The following KSR2 variants were observed in gnomAD, a reference collection of about 807,000 sequenced individuals.
The protein encoded by KSR2 is kinase suppressor of ras 2.
KSR2 carries 25 observed loss-of-function variants against 107.8 expected under a neutral mutation model. That is an observed-to-expected ratio of 0.23 (90% CI 0.17 to 0.32). The LOEUF (loss-of-function observed/expected upper bound fraction) is 0.32. Ranked by LOEUF, KSR2 falls within the 10% of genes least tolerant of loss-of-function variation. The pLI is 1.00. For synonymous variants in KSR2, 480 were observed against 507.0 expected, an observed-to-expected ratio of 0.95 and a Z score of 0.71; for missense variants, 887 against 1,268.9, an observed-to-expected ratio of 0.70 and a Z score of 4.57.
intron 3 of KSR2, among the ~76,000 whole-genome samples, chr12:117,796,955 T>A (rs1344974977): frequency 2.0e-5 from 3 of 152,144 alleles, no homozygotes; most frequent in Non-Finnish European, 2.9e-5. Flanking sequence ...ACCAAGTGCC[T>A]ACTGAGTGCC....
At position 117,550,400 on chromosome 12, in the gene KSR2, T is replaced by C. The variant is rs1877209510; in HGVS notation, c.1518+4769A>G. The stretch of plus-strand genomic sequence containing the variant: ...TCATTGCTCTCCCATGGACACTTTC[T>C]AAGGAAACTGTCCTCACCCTCCAAC... On this transcript the variant is annotated intron_variant, in intron 9 of 19. Transcript: ENST00000339824. 2.0e-5 allele frequency among the ~76,000 whole-genome samples: 3 copies of C among 152,308 alleles called. No individual in the cohort carries two copies. In the South Asian group the frequency reaches 6.2e-4, roughly 32 times the overall value.
At chr12:117,934,057 T>A (rs77190023) in intron 1 of KSR2, among the ~76,000 whole-genome samples, 2 of 152,228 alleles carry the variant, frequency 1.3e-5, no homozygotes, top group Non-Finnish European at 2.9e-5. Context: ...CCTAGTAATA[T>A]GTTCTTTACC....
At chr12:117,811,876 C>T (rs1313410010) in intron 3 of KSR2, among the ~76,000 whole-genome samples, 1 of 152,198 alleles carries the variant, frequency 6.6e-6, no homozygotes, top group East Asian at 1.9e-4. Context: ...CTGCAGGGAC[C>T]TGAGGCAACT....
chr12:117,887,932 G>C (rs576531448), intron 1 of KSR2, among the ~76,000 whole-genome samples: 2 of 152,248 alleles, frequency 1.3e-5, no homozygotes, highest in Non-Finnish European at 2.9e-5. Flanking sequence ...GCCTAGACCA[G>C]TCATGAGCGA....
At chr12:117,655,101 C>A (rs1021473879) in intron 5 of KSR2, among the ~76,000 whole-genome samples, 3 of 152,296 alleles carry the variant, frequency 2.0e-5, no homozygotes, top group African/African-American at 4.8e-5. Context: ...TTATATTGGA[C>A]CTCTTCCATC....
intron 14 of KSR2, among the ~76,000 whole-genome samples, chr12:117,496,881 C>T (rs1367115260): frequency 2.0e-5 from 3 of 150,224 alleles, no homozygotes; most frequent in Admixed American, 1.3e-4. Flanking sequence ...GACAGAGTCT[C>T]GCTCTGTTGC....
chr12:117,696,717 T>C (rs1886075047), intron 4 of KSR2, among the ~76,000 whole-genome samples: 1 of 152,222 alleles, frequency 6.6e-6, no homozygotes, highest in South Asian at 2.1e-4. Context: ...ATTATGTTCA[T>C]TAATGAGTGA....
At chr12:117,844,503 A>T (rs1892626618) in intron 3 of KSR2, among the ~76,000 whole-genome samples, 1 of 151,454 alleles carries the variant, frequency 6.6e-6, no homozygotes. Flanking sequence ...TTTAACTCAC[A>T]AGTTTTTTAA....
intron 4 of KSR2, among the ~76,000 whole-genome samples, chr12:117,735,502 C>T (rs1405655564): frequency 1.3e-5 from 2 of 152,172 alleles, no homozygotes; most frequent in African/African-American, 4.8e-5. Context: ...TTCCTGTATA[C>T]AAGACTGGCT....
intron 3 of KSR2, among the ~76,000 whole-genome samples, chr12:117,819,056 A>G (rs1004365373): frequency 1.3e-5 from 2 of 151,978 alleles, no homozygotes; most frequent in Admixed American, 6.5e-5. Flanking sequence ...GATTTACATC[A>G]TTAGTTGTTC....
At chr12:117,656,963 G>GAGATATAT (rs1555225273) in intron 5 of KSR2, among the ~76,000 whole-genome samples, 135 of 88,798 alleles carry the variant, frequency 1.5e-3, no homozygotes, top group African/African-American at 5.9e-3. Flanking sequence ...TATATAATAG[G>GAGATATAT]ATATATATAT....
chr12:117,939,757 T>A (rs529627474), intron 1 of KSR2, among the ~76,000 whole-genome samples: 6 of 150,986 alleles, frequency 4.0e-5, no homozygotes, highest in African/African-American at 1.5e-4. Flanking sequence ...GTGGCCAATG[T>A]GGTGAAACCC....
intron 1 of KSR2, among the ~76,000 whole-genome samples, chr12:117,949,743 G>T (rs183088141): frequency 3.9e-5 from 6 of 152,280 alleles, no homozygotes; most frequent in Non-Finnish European, 8.8e-5. Context: ...AGAAAAATTG[G>T]TTGATTTAAA....
At chr12:117,768,805 G>A (rs765927838) in intron 3 of KSR2, among the ~76,000 whole-genome samples, 2 of 152,218 alleles carry the variant, frequency 1.3e-5, no homozygotes, top group Non-Finnish European at 2.9e-5. Flanking sequence ...CAAAGTGGGT[G>A]GAATTTACTC....
intron 7 of KSR2, among the ~76,000 whole-genome samples, chr12:117,565,303 G>T (rs950468527): frequency 2.0e-5 from 3 of 152,172 alleles, no homozygotes; most frequent in African/African-American, 7.2e-5. Context: ...TTCCATGCCA[G>T]CTAACTTTAC....
intron 3 of KSR2, among the ~76,000 whole-genome samples, chr12:117,843,687 C>T (rs1258962238): frequency 6.6e-6 from 1 of 152,196 alleles, no homozygotes. Context: ...AACTCTTCTT[C>T]CTGACAGTAG....
At chr12:117,569,532 G>A (rs1325891741) in intron 7 of KSR2, among the ~76,000 whole-genome samples, 1 of 152,174 alleles carries the variant, frequency 6.6e-6, no homozygotes, top group Non-Finnish European at 1.5e-5. Flanking sequence ...TACCTTACTA[G>A]GGGAACGAAC....
At chr12:117,587,153 C>T (rs1880053868) in intron 5 of KSR2, among the ~76,000 whole-genome samples, 1 of 152,140 alleles carries the variant, frequency 6.6e-6, no homozygotes, top group African/African-American at 2.4e-5. Flanking sequence ...ATGCTCCTCT[C>T]CCACCCAAAA....
chr12:117,809,511 C>T (rs531073952), intron 3 of KSR2, among the ~76,000 whole-genome samples: 1 of 152,274 alleles, frequency 6.6e-6, no homozygotes, highest in African/African-American at 2.4e-5. Context: ...ATTCACCAAT[C>T]GACATAAATG....
Sources: allele counts gnomAD v4.1 joint callset (sites outside exome capture counted in the v4.1 genomes callset), GRCh38; gene constraint gnomAD v4.1.1; transcripts MANE v1.5; gene names NCBI Gene and HGNC (gene_info 2026-07-23, HGNC 2026-07-21).